Variants in FRAS1 observed in about 807,000 individuals in gnomAD.
The protein encoded by FRAS1 is extracellular matrix organizing protein FRAS1.
A neutral mutation model predicts 435.2 loss-of-function variants in FRAS1; 290 were observed. The observed-to-expected ratio is 0.67, with a 90% confidence interval of 0.61 to 0.73. The LOEUF (loss-of-function observed/expected upper bound fraction) is 0.73, where lower values mean the gene tolerates loss of function less well. Ranked by LOEUF, FRAS1 falls within the 30% of genes least tolerant of loss-of-function variation. FRAS1 has a pLI of 0.00. For missense variants in FRAS1, 4,860 were observed against 5,001.5 expected (o/e 0.97, Z 0.85); for synonymous variants, 1,800 against 1,851.0 (o/e 0.97, Z 0.71).
At position 78,085,331 on chromosome 4, in the gene FRAS1, G is replaced by T. The variant is rs193148649; in HGVS notation, c.108+19315G>T. On this transcript the variant is annotated intron_variant, in intron 2 of 73. Transcript: ENST00000512123. ...CTGTTTATACCTCCTGCCTATCATT[G>T]TTGGTCTTTTTATTCTCTATTTTTA... Among the ~76,000 whole-genome samples, 291 of 152,146 alleles carry T rather than the reference G, an allele frequency of 1.9e-3. 2 individuals are homozygous for T. Among genetic ancestry groups the T allele is most frequent in the Non-Finnish European group, 3.5e-3 (235 of 67,972 alleles).
rs1263624767 is a variant in FRAS1, at chr4:78,542,228, T to G, written c.*1104T>G. 3.3e-5 allele frequency: 5 copies of G among 152,238 alleles called. No homozygotes were observed. The highest frequency in any genetic ancestry group is 2.9e-5 in the Non-Finnish European group (2 of 68,052). 9.4% of individuals were successfully genotyped at this position (152,238 alleles called of 1,614,324 possible). A position where few individuals can be genotyped will look rare whatever the true frequency, so the allele number is the denominator to read the frequency against. On this transcript the variant is annotated 3_prime_UTR_variant, in exon 74 of 74. Coordinates refer to ENST00000512123, the MANE Select transcript of FRAS1 (RefSeq NM_025074.7). ...GAGGCACTATTCCTGGTGCAGTATTTCAGGGATTTCTCTTTGAGGGGTTCT... is the reference window on the plus strand; with the variant it reads ...GAGGCACTATTCCTGGTGCAGTATTGCAGGGATTTCTCTTTGAGGGGTTCT...
intron 2 of FRAS1, among the ~76,000 whole-genome samples, chr4:78,178,146 T>C (rs946878695): frequency 2.0e-5 from 3 of 152,174 alleles, no homozygotes; most frequent in African/African-American, 7.2e-5. Flanking sequence ...TCTGTCTCTG[T>C]CTTCTTGTGG....
chr4:78,492,520 A>G (rs907918997), intron 59 of FRAS1, among the ~76,000 whole-genome samples: 1 of 152,220 alleles, frequency 6.6e-6, no homozygotes, highest in Non-Finnish European at 1.5e-5. Context: ...TTTTTTGACA[A>G]ACCTGACAAA....
At chr4:78,372,310 C>T (rs1731547945) in intron 23 of FRAS1, among the ~76,000 whole-genome samples, 1 of 152,186 alleles carries the variant, frequency 6.6e-6, no homozygotes. Flanking sequence ...TCTGACATCT[C>T]TTTACCTATT....
At chr4:78,312,733 G>GA (rs969904538) in intron 15 of FRAS1, among the ~76,000 whole-genome samples, 2 of 152,020 alleles carry the variant, frequency 1.3e-5, no homozygotes, top group Admixed American at 1.3e-4. Context: ...TCTGGAAGCT[G>GA]AGGCAGGAGA....
At chr4:78,377,063 C>A (rs1205305316) in intron 26 of FRAS1, among the ~76,000 whole-genome samples, 1 of 152,104 alleles carries the variant, frequency 6.6e-6, no homozygotes, top group Non-Finnish European at 1.5e-5. Context: ...TTAGTGGACA[C>A]GTTACCTTAA....
intron 2 of FRAS1, among the ~76,000 whole-genome samples, chr4:78,166,608 A>T (rs533823088): frequency 6.6e-6 from 1 of 152,326 alleles, no homozygotes; most frequent in African/African-American, 2.4e-5. Flanking sequence ...TTCTCTCAAG[A>T]ATGTTTAGTT....
At chr4:78,522,165 G>C (rs918150509) in intron 68 of FRAS1, among the ~76,000 whole-genome samples, 1 of 152,074 alleles carries the variant, frequency 6.6e-6, no homozygotes, top group African/African-American at 2.4e-5. Flanking sequence ...GGGGTATCTT[G>C]CTGATAACAT....
intron 2 of FRAS1, among the ~76,000 whole-genome samples, chr4:78,141,045 ATTAC>A (rs1250473184): frequency 3.3e-5 from 5 of 151,984 alleles, no homozygotes; most frequent in Non-Finnish European, 4.4e-5. Flanking sequence ...AATTTGGCTT[ATTAC>A]TTCTTTTTTA....
In FRAS1 at chr4:78,245,230, C is replaced by T. The variant is rs150498567; in HGVS notation, c.217-3C>T. On this transcript the variant is annotated splice_polypyrimidine_tract_variant and splice_region_variant and intron_variant, in intron 3 of 73. Transcript: ENST00000512123. ...TTACTTTGAGCTGCTTTTAAATGCT[C>T]AGGGAGAAGTGCTTCAAATAGCTGC... The T allele has an allele frequency of 5.9e-5, 94 of 1,599,348 alleles. No individual in the cohort carries two copies. The African/African-American group carries it at 1.0e-3, about 17-fold the overall frequency.
intron 22 of FRAS1, among the ~76,000 whole-genome samples, chr4:78,365,802 A>C (rs2110298991): frequency 6.6e-6 from 1 of 151,880 alleles, no homozygotes; most frequent in South Asian, 2.1e-4. Context: ...CTCTACCAAA[A>C]ATACAAAAAG....
chr4:78,507,304 A>T, intron 61 of FRAS1, 117 bp from the exon 62 acceptor site: 2 of 906,832 alleles, frequency 2.2e-6, no homozygotes, highest in Non-Finnish European at 3.2e-6. Flanking sequence ...TTTATAGAAC[A>T]CCACTAAAAA....
intron 2 of FRAS1, chr4:78,181,781 AC>A (rs1722014623): frequency 6.2e-7 from 1 of 1,610,782 alleles, no homozygotes; most frequent in African/African-American, 1.3e-5. Flanking sequence ...TTTCTTGTCA[AC>A]CACGCCAACG....
rs181917735 is a variant in FRAS1, at chr4:78,319,621, G to A, written c.2137+635G>A. 31 of 283,680 alleles carry A rather than the reference G, an allele frequency of 1.1e-4. 1 individual carries two copies. In the Admixed American group the frequency reaches 1.2e-3, roughly 11 times the overall value. 17.6% of individuals were successfully genotyped at this position (283,680 alleles called of 1,614,324 possible). On this transcript the variant is annotated intron_variant, in intron 18 of 73. Transcript: ENST00000512123. ...TTTGTATTTTTCATTGTAAACATAT[G>A]TTCATTAAAAAAATTTTATAATACA... is the stretch of plus-strand genomic sequence containing the variant.
intron 14 of FRAS1, among the ~76,000 whole-genome samples, chr4:78,289,228 A>T (rs1727764756): frequency 6.6e-6 from 1 of 150,416 alleles, no homozygotes; most frequent in East Asian, 1.9e-4. Context: ...AATCTTACCC[A>T]TAGGGGCCCT....
intron 2 of FRAS1, among the ~76,000 whole-genome samples, chr4:78,118,049 G>A (rs564459423): frequency 1.9e-3 from 289 of 152,362 alleles, no homozygotes; most frequent in African/African-American, 6.7e-3. Context: ...CCTTCTAACA[G>A]TCAGGACCCT....
At chr4:78,151,069 A>G (rs1178411322) in intron 2 of FRAS1, among the ~76,000 whole-genome samples, 1 of 152,198 alleles carries the variant, frequency 6.6e-6, no homozygotes, top group Admixed American at 6.5e-5. Flanking sequence ...TAAAGTGAAG[A>G]TTGCTCTGAA....
Position 78,444,976 on chromosome 4 carries a change from C to A in FRAS1, c.5666-546C>A, listed in dbSNP as rs79445994. ...CCCATGCAGAGGTTCCCTTAAGAAA[C>A]TGGGAGGTCCAATGAAAACATGCTG... On this transcript the variant is annotated intron_variant, in intron 41 of 73. Transcript: ENST00000512123. Among the ~76,000 whole-genome samples, 531 of 152,316 alleles carry A rather than the reference C, an allele frequency of 3.5e-3. 3 individuals carry two copies. The highest frequency in any genetic ancestry group is 0.012 in the African/African-American group (495 of 41,568).
chr4:78,226,318 T>C (rs1724270265), intron 2 of FRAS1, among the ~76,000 whole-genome samples: 1 of 152,194 alleles, frequency 6.6e-6, no homozygotes, highest in Non-Finnish European at 1.5e-5. Context: ...ACTGTGTTTC[T>C]ATTTAGAGTC....
Sources: gnomAD v4.1 joint callset for allele counts (sites outside exome capture counted in the v4.1 genomes callset) on GRCh38, gnomAD v4.1.1 for gene constraint, MANE v1.5 for transcripts, NCBI Gene and HGNC (gene_info 2026-07-23, HGNC 2026-07-21) for gene names.